Variants in ARHGAP15 observed in about 807,000 individuals in gnomAD.
ARHGAP15 encodes rho GTPase-activating protein 15.
ARHGAP15 carries 51 observed loss-of-function variants against 63.7 expected under a neutral mutation model. That is an observed-to-expected ratio of 0.80 (90% CI 0.64 to 1.01). ARHGAP15 has a LOEUF of 1.01. ARHGAP15 is among the 50% of genes least tolerant of loss of function. The probability of loss-of-function intolerance (pLI) is 0.00; values close to 1 mark genes in which losing one functional copy is unlikely to be tolerated. For missense variants in ARHGAP15, 560 were observed against 564.6 expected (o/e 0.99, Z 0.08); for synonymous variants, 191 against 193.8 (o/e 0.99, Z 0.12).
chr2:143,221,911 T>C (rs1413245843), intron 4 of ARHGAP15, among the ~76,000 whole-genome samples: 2 of 152,250 alleles, frequency 1.3e-5, no homozygotes, highest in Non-Finnish European at 2.9e-5. Context: ...AGGCCTTCGG[T>C]TGGGTTTTTG....
intron 6 of ARHGAP15, among the ~76,000 whole-genome samples, chr2:143,257,656 G>C (rs754771267): frequency 1.3e-5 from 2 of 152,106 alleles, no homozygotes; most frequent in Non-Finnish European, 2.9e-5. Flanking sequence ...GGTAGAGCTA[G>C]TGTGGTAGTC....
At chr2:143,662,024 G>C (rs911109906) in intron 12 of ARHGAP15, among the ~76,000 whole-genome samples, 2 of 152,370 alleles carry the variant, frequency 1.3e-5, no homozygotes, top group Admixed American at 1.3e-4. Context: ...GGCTTGCTTA[G>C]GTAAACATAG....
intron 6 of ARHGAP15, among the ~76,000 whole-genome samples, chr2:143,384,427 A>G (rs1341435613): frequency 6.6e-6 from 1 of 152,070 alleles, no homozygotes; most frequent in African/African-American, 2.4e-5. Context: ...TTATTTTTAT[A>G]TTCTATGATA....
intron 6 of ARHGAP15, among the ~76,000 whole-genome samples, chr2:143,251,899 C>T (rs1225804817): frequency 1.3e-5 from 2 of 151,882 alleles, no homozygotes; most frequent in Non-Finnish European, 2.9e-5. Flanking sequence ...TTCCCCTTTC[C>T]CCCAATTTCT....
At chr2:143,273,155 CTA>C (rs1255801513) in intron 6 of ARHGAP15, among the ~76,000 whole-genome samples, 1 of 151,978 alleles carries the variant, frequency 6.6e-6, no homozygotes, top group Non-Finnish European at 1.5e-5. Context: ...TTTGTGAACA[CTA>C]TATTATTTTA....
intron 8 of ARHGAP15, among the ~76,000 whole-genome samples, chr2:143,443,128 A>G (rs76217384): frequency 0.16 from 24,973 of 152,210 alleles, 2,669 homozygotes; most frequent in Non-Finnish European, 0.24. Context: ...GTTAAAACAC[A>G]TACTGTGAAG....
intron 11 of ARHGAP15, among the ~76,000 whole-genome samples, chr2:143,613,871 A>G (rs1001046301): frequency 3.9e-5 from 6 of 152,024 alleles, no homozygotes; most frequent in African/African-American, 1.2e-4. Flanking sequence ...CCCATCCTAC[A>G]TGCTACTGCC....
intron 13 of ARHGAP15, among the ~76,000 whole-genome samples, chr2:143,761,892 T>C (rs1686772797): frequency 6.6e-6 from 1 of 152,200 alleles, no homozygotes; most frequent in Admixed American, 6.5e-5. Context: ...TCAGCTCCTG[T>C]TAGAAAACTG....
intron 5 of ARHGAP15, among the ~76,000 whole-genome samples, chr2:143,232,327 G>T (rs919716487): frequency 6.6e-6 from 1 of 152,030 alleles, no homozygotes; most frequent in Admixed American, 6.6e-5. Flanking sequence ...AAAGAAAACT[G>T]TCCCCCTTAT....
chr2:143,274,870 A>G (rs930205437), intron 6 of ARHGAP15, among the ~76,000 whole-genome samples: 3 of 152,138 alleles, frequency 2.0e-5, no homozygotes, highest in Middle Eastern at 3.2e-3. Flanking sequence ...TCCCGAATCA[A>G]ACTCTTCTGT....
intron 12 of ARHGAP15, among the ~76,000 whole-genome samples, chr2:143,631,469 C>T (rs1699069010): frequency 6.6e-6 from 1 of 152,094 alleles, no homozygotes; most frequent in Non-Finnish European, 1.5e-5. Context: ...AGTTTCCCCA[C>T]ATCCTCAGCA....
intron 2 of ARHGAP15, among the ~76,000 whole-genome samples, chr2:143,198,504 C>G (rs1013141897): frequency 2.4e-4 from 36 of 151,522 alleles, no homozygotes; most frequent in African/African-American, 8.7e-4. Context: ...ATATTCATAC[C>G]ACTAGTAAAT....
chr2:143,617,870 A>G (rs1698506264), intron 11 of ARHGAP15, among the ~76,000 whole-genome samples: 1 of 152,224 alleles, frequency 6.6e-6, no homozygotes, highest in South Asian at 2.1e-4. Flanking sequence ...AACATAAAGC[A>G]GCCTCAACAG....
chr2:143,576,208 T>C (rs116455888), intron 11 of ARHGAP15, among the ~76,000 whole-genome samples: 47 of 152,280 alleles, frequency 3.1e-4, no homozygotes, highest in Non-Finnish European at 5.0e-4. Context: ...CTGAAGGGAA[T>C]TCTTTACAAA....
chr2:143,268,479 G>T (rs2105041564), intron 6 of ARHGAP15, among the ~76,000 whole-genome samples: 1 of 152,174 alleles, frequency 6.6e-6, no homozygotes, highest in East Asian at 1.9e-4. Context: ...TCTATATATG[G>T]CTGCAAATTG....
intron 5 of ARHGAP15, among the ~76,000 whole-genome samples, chr2:143,240,595 A>G (rs572825375): frequency 6.6e-5 from 10 of 152,306 alleles, no homozygotes; most frequent in Admixed American, 4.6e-4. Flanking sequence ...TTCTCATAAT[A>G]GTAGTACTCT....
chr2:143,171,022 T>A (rs1690756573), intron 2 of ARHGAP15, among the ~76,000 whole-genome samples: 1 of 152,116 alleles, frequency 6.6e-6, no homozygotes, highest in South Asian at 2.1e-4. Flanking sequence ...TATTCTAATT[T>A]CTGGAGAAAA....
chr2:143,346,619 C>CA (rs1459089159), intron 6 of ARHGAP15, among the ~76,000 whole-genome samples: 1 of 152,146 alleles, frequency 6.6e-6, no homozygotes, highest in Non-Finnish European at 1.5e-5. Flanking sequence ...GATGGATATA[C>CA]AGCAGATCAA....
At position 143,216,376 on chromosome 2, in the gene ARHGAP15, T is replaced by C. The variant is rs1490381549; in HGVS notation, c.235-8T>C. The C allele has an allele frequency of 2.5e-6, 4 of 1,608,286 alleles. No individual in the cohort carries two copies. Among genetic ancestry groups the C allele is most frequent in the Admixed American group, 1.7e-5 (1 of 59,410 alleles). ...GTCACGGTTTTAACATATGCATTCT[T>C]CTTGCAGATGGTTGAAAAAGAAGGT... On this transcript the variant is annotated splice_polypyrimidine_tract_variant and splice_region_variant and intron_variant, in intron 3 of 13. Coordinates refer to ENST00000295095, the MANE Select transcript of ARHGAP15 (RefSeq NM_018460.4).
Sources: gnomAD v4.1 joint callset for allele counts (sites outside exome capture counted in the v4.1 genomes callset) on GRCh38, gnomAD v4.1.1 for gene constraint, MANE v1.5 for transcripts, NCBI Gene and HGNC (gene_info 2026-07-23, HGNC 2026-07-21) for gene names.